IL22RA1: variants seen among roughly 807,000 people sequenced by gnomAD.
The protein encoded by IL22RA1 is interleukin-22 receptor subunit alpha-1.
A neutral mutation model predicts 32.8 loss-of-function variants in IL22RA1; 25 were observed. That is an observed-to-expected ratio of 0.76 (90% CI 0.55 to 1.06). The LOEUF (loss-of-function observed/expected upper bound fraction) is 1.06. Ranked by LOEUF, IL22RA1 falls within the 50% of genes least tolerant of loss-of-function variation. The probability of loss-of-function intolerance (pLI) is 0.00; values close to 1 mark genes in which losing one functional copy is unlikely to be tolerated. For synonymous variants in IL22RA1, 305 were observed against 305.0 expected, an observed-to-expected ratio of 1.00 and a Z score of 0.00; for missense variants, 709 against 727.4, an observed-to-expected ratio of 0.97 and a Z score of 0.29.
At chr1:24,122,435 C>T (rs1019371964) in intron 6 of IL22RA1, among the ~76,000 whole-genome samples, 4 of 152,120 alleles carry the variant, frequency 2.6e-5, no homozygotes, top group Non-Finnish European at 5.9e-5. Flanking sequence ...TCACTTGCTA[C>T]AGCAATTCTA....
At chr1:24,140,132 G>T (rs948180173) in intron 1 of IL22RA1, among the ~76,000 whole-genome samples, 1 of 152,244 alleles carries the variant, frequency 6.6e-6, no homozygotes, top group Non-Finnish European at 1.5e-5. Flanking sequence ...TTTCAGGCAA[G>T]TCCCTCCCTT....
At chr1:24,124,842 C>T (rs776934717) in intron 5 of IL22RA1, among the ~76,000 whole-genome samples, 6 of 152,124 alleles carry the variant, frequency 3.9e-5, no homozygotes, top group Non-Finnish European at 5.9e-5. Flanking sequence ...AGACCCCACC[C>T]GAATGTCTAT....
Position 24,129,216 on chromosome 1 carries a change from G to T in IL22RA1, c.532-937C>A, listed in dbSNP as rs150031590. 2.9e-3 allele frequency among the ~76,000 whole-genome samples: 447 copies of T among 152,246 alleles called. 2 individuals carry two copies. The highest frequency in any genetic ancestry group is 0.01 in the African/African-American group (433 of 41,524). ...GGTTTTAGCCCCTCAATGTTGTTCT[G>T]CAAGATTTGCTCTTCAACCATTTCC... is the stretch of plus-strand genomic sequence containing the variant. On this transcript the variant is annotated intron_variant, in intron 4 of 6. Coordinates refer to ENST00000270800, the MANE Select transcript of IL22RA1 (RefSeq NM_021258.4).
Position 24,121,407 on chromosome 1 carries a change from G to A in IL22RA1, c.1123C>T (p.Pro375Ser), listed in dbSNP as rs778001218. The A allele has an allele frequency of 9.7e-6, 15 of 1,552,766 alleles. No individual in the cohort carries two copies. Among genetic ancestry groups the A allele is most frequent in the Non-Finnish European group, 1.3e-5 (15 of 1,148,402 alleles). The change falls in exon 7 of 7, where the codon CCA (proline) becomes TCA (serine). Residue 375 changes from proline (P) to serine (S), a missense_variant. By Grantham distance (74) the Pro-to-Ser change is moderately conservative. Coordinates refer to ENST00000270800, the MANE Select transcript of IL22RA1 (RefSeq NM_021258.4). ...GAGATGGCCTGTGGGGCGTAGAATG[G>A]GAATTGAGCTTCGGGGGTCACCTGA... ...APQVTPEAQFPFYAPQAISKV... is the reference protein window; with the variant it reads ...APQVTPEAQFSFYAPQAISKV...
intron 1 of IL22RA1, among the ~76,000 whole-genome samples, chr1:24,139,273 G>A (rs1196703510): frequency 6.6e-6 from 1 of 152,182 alleles, no homozygotes; most frequent in Non-Finnish European, 1.5e-5. Flanking sequence ...GCATGGATTA[G>A]TACTTCCTTT....
Position 24,143,032 on chromosome 1 carries a change from G to T in IL22RA1, c.43+8C>A, listed in dbSNP as rs772383122. On this transcript the variant is annotated splice_region_variant and intron_variant, in intron 1 of 6. Transcript: ENST00000270800. ...GGAGGTCTGACCACAGGGTAGATGG[G>T]CACTCACCAGCCAGGGATCCCACAG... 2 of 1,612,654 alleles carry T rather than the reference G, an allele frequency of 1.2e-6. No homozygotes were observed. Among genetic ancestry groups the T allele is most frequent in the Admixed American group, 3.3e-5 (2 of 59,896 alleles).
Position 24,137,216 on chromosome 1 carries a change from C to T in IL22RA1, c.270G>A (p.Glu90=). The change falls in exon 3 of 7, where the codon GAG becomes GAA. Residue 90 remains glutamate (E), a synonymous_variant. Coordinates refer to ENST00000270800, the MANE Select transcript of IL22RA1 (RefSeq NM_021258.4). The part of the protein sequence containing the change: ...NLTVETGNLT[E]LYYARVTAVS... ...CAGCGGTGACCCTGGCATAGTAGAG[C>T]TCCGTGAGGTTGCCCGTCTCCACCG... 6.2e-7 allele frequency: 1 copy of T among 1,614,170 alleles called. No individual in the cohort carries two copies.
rs375443785 is a variant in IL22RA1, at chr1:24,134,355, G to C, written c.387C>G (p.Ile129Met). ...TCATCTGAATCGATCTCACTTTGGAGATACAGGTCACATCAGGTGGCTTGA... is the reference window on the plus strand; with the variant it reads ...TCATCTGAATCGATCTCACTTTGGACATACAGGTCACATCAGGTGGCTTGA... ...TTLKPPDVTCISKVRSIQMIV... is the reference protein window; with the variant it reads ...TTLKPPDVTCMSKVRSIQMIV... Residue 129 changes from isoleucine (I) to methionine (M), a missense_variant, in exon 4 of 7, where the codon ATC (isoleucine) becomes ATG (methionine). Physicochemically the swap from Ile to Met is conservative, Grantham distance 10. Coordinates refer to ENST00000270800, the MANE Select transcript of IL22RA1 (RefSeq NM_021258.4). 1.3e-6 allele frequency: 2 copies of C among 1,570,210 alleles called. No individual in the cohort carries two copies. The highest frequency in any genetic ancestry group is 1.2e-5 in the South Asian group (1 of 85,944).
chr1:24,120,809 G>A lies in IL22RA1; in HGVS notation c.1721C>T (p.Ser574Phe), dbSNP rs1166406042. 1 of 1,597,084 alleles carries A rather than the reference G, an allele frequency of 6.3e-7. No homozygotes were observed. The highest frequency in any genetic ancestry group is 1.3e-5 in the African/African-American group (1 of 74,434). ...RGLALTVQWE[S>F] The stretch of plus-strand genomic sequence containing the variant: ...ACCAAGCCTTTCCCATTCCCCTCAG[G>A]ACTCCCACTGCACAGTCAGGGCCAG... Residue 574 changes from serine (S) to phenylalanine (F), a missense_variant, in exon 7 of 7, where the codon TCC becomes TTC. Ser to Phe is a radical substitution (Grantham distance 155, BLOSUM62 -2). Coordinates refer to ENST00000270800, the MANE Select transcript of IL22RA1 (RefSeq NM_021258.4).
Position 24,120,714 on chromosome 1 carries a change from A to G in IL22RA1, c.*91T>C. 2 of 1,239,440 alleles carry G rather than the reference A, an allele frequency of 1.6e-6. No individual in the cohort carries two copies. Among genetic ancestry groups the G allele is most frequent in the Non-Finnish European group, 2.3e-6 (2 of 882,914 alleles). The allele number at this position is 1,239,440 out of a possible 1,614,324, so 76.8% of individuals were successfully genotyped here. ...GCACCCGTCTGAGGCCAGATCGCAGAGTGTGTGGCGTGGGCAGGCATGGGA... is the reference window on the plus strand; with the variant it reads ...GCACCCGTCTGAGGCCAGATCGCAGGGTGTGTGGCGTGGGCAGGCATGGGA... On this transcript the variant is annotated 3_prime_UTR_variant, in exon 7 of 7. Coordinates refer to ENST00000270800, the MANE Select transcript of IL22RA1 (RefSeq NM_021258.4).
intron 1 of IL22RA1, 110 bp downstream of exon 1, chr1:24,142,930 G>T (rs558853967): frequency 1.9e-6 from 2 of 1,051,562 alleles, no homozygotes; most frequent in Non-Finnish European, 2.9e-6. Context: ...CCTAGCAGGG[G>T]AGAAACTGAA....
chr1:24,120,647 T>A lies in IL22RA1; in HGVS notation c.*158A>T. ...TTTGCTCCGGTGAGGAGCGCACCCA[T>A]GGCAGGGGCCCTGCATGCCACTCCC... is the stretch of plus-strand genomic sequence containing the variant. On this transcript the variant is annotated 3_prime_UTR_variant, in exon 7 of 7. Coordinates refer to ENST00000270800, the MANE Select transcript of IL22RA1 (RefSeq NM_021258.4). The A allele has an allele frequency of 2.9e-6, 2 of 686,476 alleles. No individual in the cohort carries two copies. The highest frequency in any genetic ancestry group is 2.7e-5 in the East Asian group (1 of 36,758). 42.5% of individuals were successfully genotyped at this position (686,476 alleles called of 1,614,324 possible). A position where few individuals can be genotyped will look rare whatever the true frequency, so the allele number is the denominator to read the frequency against.
In IL22RA1 at chr1:24,126,420, G is replaced by A. The variant is rs536614963; in HGVS notation, c.670+1721C>T. Reference sequence around the variant, plus strand: ...TAGGGCCCAGCTCTGGCAGCTGCCTGGCCTCTGATTATCACCTCAGCCCAG... The same window carrying A: ...TAGGGCCCAGCTCTGGCAGCTGCCTAGCCTCTGATTATCACCTCAGCCCAG... On this transcript the variant is annotated intron_variant, in intron 5 of 6. Coordinates refer to ENST00000270800, the MANE Select transcript of IL22RA1 (RefSeq NM_021258.4). Among the ~76,000 whole-genome samples the A allele has an allele frequency of 7.9e-5, 12 of 152,290 alleles. No homozygotes were observed. The East Asian group carries it at 1.9e-3, about 24-fold the overall frequency.
chr1:24,138,442 G>T, intron 2 of IL22RA1, 140 bp downstream of exon 2: 1 of 871,912 alleles, frequency 1.1e-6, no homozygotes, highest in Non-Finnish European at 1.8e-6. Context: ...GAAACATAAA[G>T]GAGCAAAGCT....
rs780179419 is a variant in IL22RA1 at position 24,128,263 on chromosome 1, T to C, written c.548A>G (p.Gln183Arg). ...CAGGCCGAAGAACTCATATTCTCTC[T>C]GCTTCCCTCCAAGGTGCTGAATTGG... ...RTYQMHLGGKQREYEFFGLTP... is the reference protein window; with the variant it reads ...RTYQMHLGGKRREYEFFGLTP... The change falls in exon 5 of 7, where the codon CAG becomes CGG. Residue 183 changes from glutamine to arginine, a missense_variant. Transcript: ENST00000270800. 1.9e-6 allele frequency: 3 copies of C among 1,613,378 alleles called. No individual in the cohort carries two copies. Among genetic ancestry groups the C allele is most frequent in the Non-Finnish European group, 2.5e-6 (3 of 1,179,734 alleles).
intron 6 of IL22RA1, 112 bp downstream of exon 6, chr1:24,123,190 A>C: frequency 7.0e-7 from 1 of 1,427,908 alleles, no homozygotes; most frequent in Non-Finnish European, 9.3e-7. Flanking sequence ...TGGAGAGAGC[A>C]GGCCCATCTC....
intron 4 of IL22RA1, among the ~76,000 whole-genome samples, chr1:24,129,505 G>A (rs982245339): frequency 1.3e-5 from 2 of 152,170 alleles, no homozygotes; most frequent in East Asian, 1.9e-4. Context: ...TTTGATAATA[G>A]CATCACTCTT....
intron 5 of IL22RA1, among the ~76,000 whole-genome samples, 174 bp downstream of exon 5, chr1:24,127,967 C>T (rs902539791): frequency 1.3e-5 from 2 of 152,148 alleles, no homozygotes; most frequent in Non-Finnish European, 2.9e-5. Flanking sequence ...GCTTTGATAA[C>T]TCATCAGCCA....
rs1644249846 is a variant in IL22RA1, at chr1:24,137,407, A to G, written c.177-98T>C. 9.8e-6 allele frequency: 11 copies of G among 1,123,260 alleles called. No homozygotes were observed. In the East Asian group the frequency reaches 2.7e-4, roughly 27 times the overall value. 69.6% of individuals were successfully genotyped at this position (1,123,260 alleles called of 1,614,324 possible). ...TGCCAAGGAGATCTGATATTTACTTAGCACGTTCAGTGGCCCAGGCCCTTT... is the reference window on the plus strand; with the variant it reads ...TGCCAAGGAGATCTGATATTTACTTGGCACGTTCAGTGGCCCAGGCCCTTT... On this transcript the variant is annotated intron_variant, in intron 2 of 6. Transcript: ENST00000270800.
Sources: allele counts gnomAD v4.1 joint callset (sites outside exome capture counted in the v4.1 genomes callset), GRCh38; gene constraint gnomAD v4.1.1; transcripts MANE v1.5; gene names NCBI Gene and HGNC (gene_info 2026-07-23, HGNC 2026-07-21).